Variants in NRG1 observed in about 807,000 individuals in gnomAD.
NRG1 encodes neuregulin 1.
Under a neutral mutation model 63.8 loss-of-function variants are expected in NRG1, and 18 were observed. The observed-to-expected ratio is 0.28, with a 90% CI of 0.19 to 0.42. NRG1 has a LOEUF of 0.42. NRG1 is among the 10% of genes least tolerant of loss of function. The probability of loss-of-function intolerance (pLI) is 1.00; values close to 1 mark genes in which losing one functional copy is unlikely to be tolerated. For synonymous variants in NRG1, 302 were observed against 301.3 expected, an observed-to-expected ratio of 1.00 and a Z score of -0.02; for missense variants, 762 against 814.7, an observed-to-expected ratio of 0.94 and a Z score of 0.79.
chr8:32,209,930 C>A (rs1844516867), intron 1 of NRG1, among the ~76,000 whole-genome samples: 2 of 152,168 alleles, frequency 1.3e-5, no homozygotes, highest in Admixed American at 1.3e-4. Flanking sequence ...AGGAAGTCAA[C>A]TGGGGTAAAC....
chr8:32,254,215 T>C (rs1038275875), intron 1 of NRG1, among the ~76,000 whole-genome samples: 1 of 152,164 alleles, frequency 6.6e-6, no homozygotes, highest in African/African-American at 2.4e-5. Flanking sequence ...TCTTAGTTAT[T>C]TCTTGCCTTC....
intron 5 of NRG1, among the ~76,000 whole-genome samples, chr8:32,619,913 A>C (rs1588741474): frequency 6.6e-6 from 1 of 152,162 alleles, no homozygotes; most frequent in East Asian, 1.9e-4. Flanking sequence ...TCAGTTTGAA[A>C]ATATAAACCA....
At chr8:32,102,067 C>T (rs1462910) in intron 1 of NRG1, among the ~76,000 whole-genome samples, 127,129 of 152,106 alleles carry the variant, frequency 0.84, 54,188 homozygotes, top group Non-Finnish European at 0.92. Context: ...GAATGTTTTC[C>T]TTTCATAAGA....
At chr8:32,193,330 GTA>G (rs61484142) in intron 1 of NRG1, among the ~76,000 whole-genome samples, 1 of 151,848 alleles carries the variant, frequency 6.6e-6, no homozygotes, top group South Asian at 2.1e-4. Context: ...GTGTGTGTGT[GTA>G]ATTCTCCTCA....
At chr8:31,714,305 G>A (rs902344285) in intron 1 of NRG1, among the ~76,000 whole-genome samples, 2 of 151,724 alleles carry the variant, frequency 1.3e-5, no homozygotes, top group African/African-American at 4.8e-5. Context: ...CTGACATTTT[G>A]GGATAATTTT....
chr8:31,721,307 G>A (rs1295927489), intron 1 of NRG1, among the ~76,000 whole-genome samples: 2 of 152,136 alleles, frequency 1.3e-5, no homozygotes, highest in Non-Finnish European at 2.9e-5. Context: ...GTAATCCTGT[G>A]TGGGTACATT....
At chr8:31,975,333 A>G (rs1807991549) in intron 1 of NRG1, among the ~76,000 whole-genome samples, 1 of 152,116 alleles carries the variant, frequency 6.6e-6, no homozygotes. Flanking sequence ...GCACTACCCC[A>G]CACAGTTCTG....
chr8:31,939,886 G>A (rs1801496288), intron 1 of NRG1, among the ~76,000 whole-genome samples: 1 of 152,044 alleles, frequency 6.6e-6, no homozygotes, highest in African/African-American at 2.4e-5. Flanking sequence ...AAATATATAA[G>A]CACCTAACAC....
chr8:32,474,563 G>A (rs1199762225), intron 1 of NRG1, among the ~76,000 whole-genome samples: 1 of 151,014 alleles, frequency 6.6e-6, no homozygotes, highest in African/African-American at 2.4e-5. Context: ...CACCATCTTG[G>A]CTCACTGCAA....
At chr8:32,757,232 G>GA (rs1829843995) in intron 9 of NRG1, among the ~76,000 whole-genome samples, 1 of 152,114 alleles carries the variant, frequency 6.6e-6, no homozygotes, top group Non-Finnish European at 1.5e-5. Context: ...TGGAGAGTTT[G>GA]AAGATATTAT....
chr8:32,299,796 C>T (rs1053433426), intron 1 of NRG1, among the ~76,000 whole-genome samples: 5 of 152,042 alleles, frequency 3.3e-5, no homozygotes, highest in African/African-American at 7.3e-5. Flanking sequence ...TTCACTATCA[C>T]GAGAACAGGA....
At chr8:32,291,613 A>G (rs1854213544) in intron 1 of NRG1, among the ~76,000 whole-genome samples, 1 of 136,856 alleles carries the variant, frequency 7.3e-6, no homozygotes, top group Non-Finnish European at 1.5e-5. Flanking sequence ...ATCTCGGCTC[A>G]CTGCAACCTC....
intron 1 of NRG1, among the ~76,000 whole-genome samples, chr8:32,222,257 T>C (rs565123633): frequency 6.6e-6 from 1 of 152,272 alleles, no homozygotes; most frequent in African/African-American, 2.4e-5. Context: ...AAAATAAAGA[T>C]AAAAATGAGT....
Position 32,483,070 on chromosome 8 carries a change from G to A in NRG1, c.38-112758G>A, listed in dbSNP as rs562146692. On this transcript the variant is annotated intron_variant, in intron 1 of 10. Coordinates refer to the NRG1 transcript ENST00000519301. ...ATGTTACACACTCAATTCATGTCAG[G>A]ATGACACTACATTGGCATGATCCAA... is the stretch of plus-strand genomic sequence containing the variant. Among the ~76,000 whole-genome samples the A allele has an allele frequency of 7.9e-5, 12 of 152,332 alleles. No individual in the cohort carries two copies. In the South Asian group the frequency reaches 2.1e-3, roughly 26 times the overall value.
chr8:32,458,421 A>G (rs1024548053), intron 1 of NRG1, among the ~76,000 whole-genome samples: 1 of 152,188 alleles, frequency 6.6e-6, no homozygotes, highest in South Asian at 2.1e-4. Flanking sequence ...TTCTCAAAGC[A>G]TGGATCAAAG....
chr8:32,562,820 G>A (rs1563654207), intron 1 of NRG1, among the ~76,000 whole-genome samples: 1 of 152,172 alleles, frequency 6.6e-6, no homozygotes, highest in African/African-American at 2.4e-5. Flanking sequence ...GAAGACAGAG[G>A]AGGACTAACT....
chr8:31,790,237 G>A (rs1182597168), intron 1 of NRG1, among the ~76,000 whole-genome samples: 2 of 152,088 alleles, frequency 1.3e-5, no homozygotes, highest in African/African-American at 4.8e-5. Context: ...TTTTTAGAAA[G>A]GATATGGGAC....
intron 1 of NRG1, among the ~76,000 whole-genome samples, chr8:32,235,434 C>A (rs1181896980): frequency 6.6e-6 from 1 of 151,940 alleles, no homozygotes; most frequent in Admixed American, 6.6e-5. Context: ...GAGCCAGTGG[C>A]TGACAAACTG....
intron 1 of NRG1, among the ~76,000 whole-genome samples, chr8:31,832,337 C>T (rs1825249872): frequency 2.7e-5 from 4 of 150,736 alleles, no homozygotes; most frequent in Admixed American, 2.0e-4. Flanking sequence ...TGGCTCACTG[C>T]AACCTCCAAC....
Sources: allele counts gnomAD v4.1 joint callset (sites outside exome capture counted in the v4.1 genomes callset), GRCh38; gene constraint gnomAD v4.1.1; transcripts MANE v1.5; gene names NCBI Gene and HGNC (gene_info 2026-07-23, HGNC 2026-07-21).